PTPDC1: variants seen among roughly 807,000 people sequenced by gnomAD.
PTPDC1 encodes protein tyrosine phosphatase domain-containing protein 1.
Under a neutral mutation model 75.3 loss-of-function variants are expected in PTPDC1, and 53 were observed. The ratio of observed to expected loss-of-function variants is 0.70; its 90% CI spans 0.56 to 0.88. PTPDC1 has a LOEUF of 0.88. Among genes scored for constraint, PTPDC1 ranks in the 40% least tolerant of loss-of-function variants. The pLI is 0.00. For synonymous variants in PTPDC1, 349 were observed against 366.2 expected, an observed-to-expected ratio of 0.95 and a Z score of 0.54; for missense variants, 925 against 998.6, an observed-to-expected ratio of 0.93 and a Z score of 0.99.
chr9:94,043,541 G>T (rs1462920382), intron 1 of PTPDC1, among the ~76,000 whole-genome samples: 2 of 152,042 alleles, frequency 1.3e-5, no homozygotes, highest in Admixed American at 6.6e-5. Context: ...TTCTGAAAAT[G>T]ACTCCCCCCC....
chr9:94,067,455 A>G (rs1290083167), intron 2 of PTPDC1, among the ~76,000 whole-genome samples: 1 of 151,966 alleles, frequency 6.6e-6, no homozygotes, highest in East Asian at 1.9e-4. Context: ...AATAATCAAC[A>G]TTATTTACTT....
Position 94,108,773 on chromosome 9 carries a change from GT to G in PTPDC1, c.*831del. ...GGATCAGAGGCAGGAAGTGTGGAAA[GT>G]TGCTAAGAAGCAGGGCTTGCCTCTG... On this transcript the variant is annotated 3_prime_UTR_variant, in exon 9 of 9. Transcript: ENST00000620992. The G allele has an allele frequency of 6.6e-6, 1 of 152,456 alleles. No homozygotes were observed. The highest frequency in any genetic ancestry group is 1.5e-5 in the Non-Finnish European group (1 of 68,132). 9.4% of individuals were successfully genotyped at this position (152,456 alleles called of 1,614,324 possible).
chr9:94,059,352 A>G (rs1826058450), intron 1 of PTPDC1, among the ~76,000 whole-genome samples: 1 of 152,232 alleles, frequency 6.6e-6, no homozygotes, highest in Non-Finnish European at 1.5e-5. Context: ...GCAGAACTTG[A>G]AAGTGGAGGG....
At chr9:94,043,971 T>C (rs1367673084) in intron 1 of PTPDC1, among the ~76,000 whole-genome samples, 1 of 152,216 alleles carries the variant, frequency 6.6e-6, no homozygotes, top group African/African-American at 2.4e-5. Flanking sequence ...GTCGACTATA[T>C]TTTTCTGGGT....
At chr9:94,039,397 T>C (rs1825365746) in intron 1 of PTPDC1, among the ~76,000 whole-genome samples, 1 of 152,158 alleles carries the variant, frequency 6.6e-6, no homozygotes, top group Non-Finnish European at 1.5e-5. Context: ...TGAAAGTGTA[T>C]TCCTAAAAAT....
chr9:94,046,322 A>G (rs1044780638), intron 1 of PTPDC1, among the ~76,000 whole-genome samples: 7 of 152,190 alleles, frequency 4.6e-5, no homozygotes, highest in African/African-American at 1.7e-4. Context: ...TGACTTGGCA[A>G]TGCAGGCTCT....
chr9:94,062,158 C>G (rs939978318), intron 1 of PTPDC1, among the ~76,000 whole-genome samples: 2 of 152,180 alleles, frequency 1.3e-5, no homozygotes, highest in African/African-American at 4.8e-5. Context: ...AATTCTCTCT[C>G]AAGTTCAAAG....
intron 1 of PTPDC1, among the ~76,000 whole-genome samples, chr9:94,033,159 C>T (rs1421338445): frequency 2.0e-5 from 3 of 152,172 alleles, no homozygotes; most frequent in Non-Finnish European, 4.4e-5. Context: ...CCGTCCCCAG[C>T]CTGCACGTCC....
At chr9:94,095,000 C>T (rs1386561277) in intron 4 of PTPDC1, among the ~76,000 whole-genome samples, 1 of 152,248 alleles carries the variant, frequency 6.6e-6, no homozygotes, top group Non-Finnish European at 1.5e-5. Context: ...TGAGATGAAC[C>T]CGGTACCTCA....
intron 5 of PTPDC1, among the ~76,000 whole-genome samples, chr9:94,095,882 A>G (rs866267316): frequency 5.3e-5 from 8 of 152,232 alleles, no homozygotes; most frequent in Non-Finnish European, 1.0e-4. Flanking sequence ...ATATCATTTT[A>G]AAGTCTTTAG....
chr9:94,080,988 C>CTTTTTTTTTT (rs1254750314), upstream of PTPDC1, among the ~76,000 whole-genome samples: 1 of 127,556 alleles, frequency 7.8e-6, no homozygotes, highest in Non-Finnish European at 1.6e-5. Context: ...TTTTCTTTTT[C>CTTTTTTTTTT]TTTTTCTTTT....
chr9:94,093,553 A>G (rs2118031410), intron 4 of PTPDC1, among the ~76,000 whole-genome samples: 1 of 151,778 alleles, frequency 6.6e-6, no homozygotes, highest in East Asian at 1.9e-4. Context: ...GAATCTGACA[A>G]TTATGTGTCT....
chr9:94,109,074 C>A lies in PTPDC1; in HGVS notation c.*1130C>A, dbSNP rs568838826. 6.6e-6 allele frequency: 1 copy of A among 152,298 alleles called. No individual in the cohort carries two copies. Among genetic ancestry groups the A allele is most frequent in the Admixed American group, 6.5e-5 (1 of 15,304 alleles). The allele number at this position is 152,298 out of a possible 1,614,324, so 9.4% of individuals were successfully genotyped here. Reference sequence around the variant, plus strand: ...TTAAGATTTTTAAACTGAAGTTGACCATACAGGTTGCATTAGCCCTAACTG... The same window carrying A: ...TTAAGATTTTTAAACTGAAGTTGACAATACAGGTTGCATTAGCCCTAACTG... On this transcript the variant is annotated 3_prime_UTR_variant, in exon 9 of 9. Transcript: ENST00000620992.
intron 4 of PTPDC1, among the ~76,000 whole-genome samples, chr9:94,091,957 A>C (rs1377294611): frequency 6.7e-6 from 1 of 149,960 alleles, no homozygotes; most frequent in Non-Finnish European, 1.5e-5. Context: ...TATTGCGTCT[A>C]TTTGATTCTT....
At position 94,109,549 on chromosome 9, in the gene PTPDC1, G is replaced by A. The variant is rs375285505; in HGVS notation, c.*1605G>A. On this transcript the variant is annotated 3_prime_UTR_variant, in exon 9 of 9. Coordinates refer to ENST00000620992, the MANE Select transcript of PTPDC1 (RefSeq NM_001253829.2). ...TTCAAGTGCCTGGCCTGGGAAAGAA[G>A]GGGAAGAAACAATTGCATTATATCC... 11 of 152,114 alleles carry A rather than the reference G, an allele frequency of 7.2e-5. No homozygotes were observed. In the South Asian group the frequency reaches 8.3e-4, roughly 11 times the overall value. The allele number at this position is 152,114 out of a possible 1,614,324, so 9.4% of individuals were successfully genotyped here.
chr9:94,098,248 G>A lies in PTPDC1; in HGVS notation c.1682G>A (p.Ser561Asn), dbSNP rs1827690218. ...AGCCCTGGGGAGCCAGTTTCACCCAGCTTTGCAAATGTCCATAAGGATCCA... is the reference window on the plus strand; with the variant it reads ...AGCCCTGGGGAGCCAGTTTCACCCAACTTTGCAAATGTCCATAAGGATCCA... ...SHSPGEPVSP[S>N]FANVHKDPNP... Residue 561 changes from serine to asparagine, a missense_variant, in exon 6 of 9, where the codon AGC (serine) becomes AAC (asparagine). By Grantham distance (46) the Ser-to-Asn change is conservative. Transcript: ENST00000620992. 13 of 1,614,198 alleles carry A rather than the reference G, an allele frequency of 8.1e-6. No individual in the cohort carries two copies. The East Asian group carries it at 2.9e-4, about 36-fold the overall frequency.
At chr9:94,104,920 CT>C (rs1827963868) in intron 8 of PTPDC1, among the ~76,000 whole-genome samples, 1 of 152,202 alleles carries the variant, frequency 6.6e-6, no homozygotes, top group African/African-American at 2.4e-5. Context: ...CAGGTTCATA[CT>C]GAGAGAAAAG....
At chr9:94,051,308 C>T (rs564414694) in intron 1 of PTPDC1, among the ~76,000 whole-genome samples, 1 of 152,310 alleles carries the variant, frequency 6.6e-6, no homozygotes, top group East Asian at 1.9e-4. Flanking sequence ...GTTGCTCATG[C>T]TGGGAGCTGT....
At chr9:94,046,238 G>A (rs1467451743) in intron 1 of PTPDC1, among the ~76,000 whole-genome samples, 4 of 152,268 alleles carry the variant, frequency 2.6e-5, no homozygotes, top group African/African-American at 9.6e-5. Flanking sequence ...TGCTGTTTTG[G>A]TTACTGTAGC....
Sources: gnomAD v4.1 joint callset for allele counts (sites outside exome capture counted in the v4.1 genomes callset) on GRCh38, gnomAD v4.1.1 for gene constraint, MANE v1.5 for transcripts, NCBI Gene and HGNC (gene_info 2026-07-23, HGNC 2026-07-21) for gene names.